LHFPL3: variants seen among roughly 807,000 people sequenced by gnomAD.
LHFPL3 encodes the protein LHFPL tetraspan subfamily member 3 protein.
In LHFPL3, 5 loss-of-function variants were observed where a neutral mutation model predicts 19.3. The ratio of observed to expected loss-of-function variants is 0.26; its 90% CI spans 0.14 to 0.54. LHFPL3 has a LOEUF of 0.54. Among genes scored for constraint, LHFPL3 ranks in the 20% least tolerant of loss-of-function variants. The pLI is 0.94. For synonymous variants in LHFPL3, 133 were observed against 126.2 expected (o/e 1.05, Z -0.36); for missense variants, 249 against 307.4 (o/e 0.81, Z 1.42).
intron 1 of LHFPL3, among the ~76,000 whole-genome samples, chr7:104,629,319 G>T (rs539780031): frequency 6.6e-6 from 1 of 152,170 alleles, no homozygotes; most frequent in South Asian, 2.1e-4. Flanking sequence ...TTGCATCTAT[G>T]CATACCTTCT....
At chr7:104,735,335 C>T (rs180909409) in intron 1 of LHFPL3, among the ~76,000 whole-genome samples, 13 of 152,254 alleles carry the variant, frequency 8.5e-5, no homozygotes, top group African/African-American at 3.1e-4. Context: ...CAGAGGCAGG[C>T]AGGCCTCCTT....
chr7:104,518,846 G>GATA (rs1554403113), intron 1 of LHFPL3, among the ~76,000 whole-genome samples: 2,849 of 141,472 alleles, frequency 0.02, 100 homozygotes, highest in African/African-American at 0.082. Flanking sequence ...TAGATAGATA[G>GATA]AATAAATAAA....
intron 1 of LHFPL3, among the ~76,000 whole-genome samples, chr7:104,419,155 A>G (rs1334849085): frequency 6.6e-6 from 1 of 152,190 alleles, no homozygotes; most frequent in East Asian, 1.9e-4. Context: ...GATTGATGAA[A>G]GATAAACTCC....
Position 104,795,083 on chromosome 7 carries a change from A to G in LHFPL3, c.682+58172A>G, listed in dbSNP as rs533147959. On this transcript the variant is annotated intron_variant, in intron 2 of 2. Transcript: ENST00000424859. ...AAGTCCCCTAGAAACAAGTCACCTG[A>G]TTCTACTAAGCCACCTGCCTCATCC... 9.7e-4 allele frequency among the ~76,000 whole-genome samples: 148 copies of G among 152,284 alleles called. 2 individuals are homozygous for G. The highest frequency in any genetic ancestry group is 3.4e-3 in the African/African-American group (142 of 41,558).
chr7:104,528,221 A>G (rs190982134), intron 1 of LHFPL3, among the ~76,000 whole-genome samples: 174 of 152,340 alleles, frequency 1.1e-3, no homozygotes, highest in Non-Finnish European at 2.0e-3. Context: ...TATAACAGCC[A>G]CCAGGGGCTT....
intron 1 of LHFPL3, among the ~76,000 whole-genome samples, chr7:104,491,352 G>C (rs1793347692): frequency 1.3e-5 from 2 of 151,874 alleles, no homozygotes; most frequent in South Asian, 4.2e-4. Context: ...CTACCCCCCA[G>C]CAGGCCCTGG....
intron 1 of LHFPL3, among the ~76,000 whole-genome samples, chr7:104,408,374 G>C (rs1488900889): frequency 2.0e-5 from 3 of 148,054 alleles, no homozygotes; most frequent in African/African-American, 7.5e-5. Flanking sequence ...TTTTTTTCTA[G>C]ATTGGATCCA....
At chr7:104,468,096 A>C (rs2115602342) in intron 1 of LHFPL3, among the ~76,000 whole-genome samples, 1 of 152,356 alleles carries the variant, frequency 6.6e-6, no homozygotes, top group South Asian at 2.1e-4. Context: ...GAAGAGCAGA[A>C]GTTATCTGAA....
At chr7:104,787,931 G>A (rs1789951504) in intron 2 of LHFPL3, among the ~76,000 whole-genome samples, 1 of 152,138 alleles carries the variant, frequency 6.6e-6, no homozygotes, top group African/African-American at 2.4e-5. Context: ...GTCATGTTGG[G>A]GGTTAGGTTT....
intron 1 of LHFPL3, among the ~76,000 whole-genome samples, chr7:104,330,678 A>G (rs978857792): frequency 6.6e-6 from 1 of 152,216 alleles, no homozygotes; most frequent in Non-Finnish European, 1.5e-5. Flanking sequence ...TCCTTTACAC[A>G]TACCATTATC....
intron 1 of LHFPL3, among the ~76,000 whole-genome samples, chr7:104,711,163 C>A (rs1230939455): frequency 1.3e-5 from 2 of 152,172 alleles, no homozygotes; most frequent in Admixed American, 6.5e-5. Flanking sequence ...TTAGCAATAT[C>A]ACTCTGCAGT....
At chr7:104,510,340 A>G (rs1793785385) in intron 1 of LHFPL3, among the ~76,000 whole-genome samples, 2 of 152,184 alleles carry the variant, frequency 1.3e-5, no homozygotes, top group South Asian at 4.1e-4. Context: ...ATTATTTTCT[A>G]GCTAAAGTAA....
intron 2 of LHFPL3, among the ~76,000 whole-genome samples, chr7:104,822,634 G>A (rs950032100): frequency 1.3e-5 from 2 of 152,170 alleles, no homozygotes; most frequent in East Asian, 1.9e-4. Context: ...TGGTCCAGAG[G>A]AAGGAATAGT....
At chr7:104,890,110 C>A (rs1441788062) in intron 2 of LHFPL3, among the ~76,000 whole-genome samples, 1 of 152,084 alleles carries the variant, frequency 6.6e-6, no homozygotes, top group African/African-American at 2.4e-5. Context: ...ACCAGCCTGG[C>A]TACATAGTGA....
At chr7:104,574,335 C>A (rs1282736557) in intron 1 of LHFPL3, among the ~76,000 whole-genome samples, 1 of 152,122 alleles carries the variant, frequency 6.6e-6, no homozygotes, top group Non-Finnish European at 1.5e-5. Flanking sequence ...GGGACAGGGA[C>A]AAGAACAAGC....
intron 1 of LHFPL3, among the ~76,000 whole-genome samples, chr7:104,600,508 T>G (rs1023935073): frequency 1.3e-5 from 2 of 152,238 alleles, no homozygotes; most frequent in Non-Finnish European, 2.9e-5. Context: ...AAGTTGATGA[T>G]GGTAATGACA....
intron 1 of LHFPL3, among the ~76,000 whole-genome samples, chr7:104,667,264 T>TGTGGGG (rs56664847): frequency 6.7e-4 from 100 of 148,162 alleles, no homozygotes; most frequent in Middle Eastern, 3.4e-3. Flanking sequence ...TCTGTTTTCT[T>TGTGGGG]GGGGGGGGGA....
intron 1 of LHFPL3, among the ~76,000 whole-genome samples, chr7:104,555,618 C>G (rs1289108620): frequency 2.6e-5 from 4 of 152,162 alleles, no homozygotes; most frequent in Non-Finnish European, 4.4e-5. Context: ...GTGGTAGTTA[C>G]AATTCAAGAT....
chr7:104,424,269 C>T (rs901420239), intron 1 of LHFPL3, among the ~76,000 whole-genome samples: 7 of 152,204 alleles, frequency 4.6e-5, no homozygotes, highest in African/African-American at 1.2e-4. Context: ...CAAGAAGCAT[C>T]AGAGCCCCAC....
Sources: gnomAD v4.1 joint callset for allele counts (sites outside exome capture counted in the v4.1 genomes callset) on GRCh38, gnomAD v4.1.1 for gene constraint, MANE v1.5 for transcripts, NCBI Gene and HGNC (gene_info 2026-07-23, HGNC 2026-07-21) for gene names.